TTC8: variants seen among roughly 807,000 people sequenced by gnomAD.
TTC8 encodes the protein tetratricopeptide repeat domain 8, also known as tetratricopeptide repeat protein 8.
Under a neutral mutation model 72.5 loss-of-function variants are expected in TTC8, and 47 were observed. The observed-to-expected ratio is 0.65, with a 90% CI of 0.51 to 0.83. TTC8 has a LOEUF of 0.83. Among genes scored for constraint, TTC8 ranks in the 40% least tolerant of loss-of-function variants. TTC8 has a pLI of 0.00. For synonymous variants in TTC8, 199 were observed against 221.4 expected (o/e 0.90, Z 0.90); for missense variants, 611 against 623.2 (o/e 0.98, Z 0.21).
chr14:88,834,887 G>C (rs1004053174), intron 2 of TTC8, among the ~76,000 whole-genome samples: 3 of 152,124 alleles, frequency 2.0e-5, no homozygotes, highest in Non-Finnish European at 4.4e-5. Flanking sequence ...AAGGACTCAT[G>C]AAAAATCTGT....
chr14:88,846,697 A>T, intron 7 of TTC8: 1 of 1,226,458 alleles, frequency 8.2e-7, no homozygotes, highest in Non-Finnish European at 1.1e-6. Flanking sequence ...TCCCTGCACT[A>T]CTGCACTTAA....
intron 2 of TTC8, among the ~76,000 whole-genome samples, chr14:88,835,269 C>T (rs2094745404): frequency 6.6e-6 from 1 of 152,322 alleles, no homozygotes; most frequent in Admixed American, 6.5e-5. Context: ...ATAATTTAAA[C>T]ATGCTTTGCT....
intron 10 of TTC8, 139 bp from the exon 11 acceptor site, chr14:88,869,920 C>A: frequency 1.2e-6 from 1 of 826,140 alleles, no homozygotes; most frequent in South Asian, 1.6e-5. Flanking sequence ...ATTGTATCCC[C>A]AGGGTCTAGA....
chr14:88,862,852 A>G (rs1023959249), intron 10 of TTC8, among the ~76,000 whole-genome samples: 2 of 151,432 alleles, frequency 1.3e-5, no homozygotes, highest in African/African-American at 2.4e-5. Context: ...GTCAAATTCT[A>G]TGAAAAGTCC....
intron 8 of TTC8, 21 bp from the exon 9 acceptor site, chr14:88,857,169 T>A (rs771668300): frequency 6.8e-6 from 11 of 1,608,776 alleles, no homozygotes; most frequent in African/African-American, 1.3e-5. Context: ...AATGTCTAAT[T>A]CTTAAAATTG....
At chr14:88,861,080 A>G in intron 9 of TTC8, 142 bp from the exon 10 acceptor site, 1 of 633,060 alleles carries the variant, frequency 1.6e-6, no homozygotes. Context: ...CTGGGAATAC[A>G]GGTGTGAGCC....
chr14:88,872,817 C>T (rs954623246), intron 13 of TTC8, among the ~76,000 whole-genome samples: 2 of 152,134 alleles, frequency 1.3e-5, no homozygotes, highest in Admixed American at 1.3e-4. Flanking sequence ...CACACCTGCG[C>T]CCACATCATA....
At chr14:88,850,332 GAAC>G (rs1360612165) in intron 7 of TTC8, among the ~76,000 whole-genome samples, 1 of 152,150 alleles carries the variant, frequency 6.6e-6, no homozygotes, top group Non-Finnish European at 1.5e-5. Context: ...CAATATTCCA[GAAC>G]AACAGCACAG....
chr14:88,869,529 G>T (rs2094924751), intron 10 of TTC8, among the ~76,000 whole-genome samples: 2 of 151,824 alleles, frequency 1.3e-5, no homozygotes, highest in Admixed American at 1.3e-4. Context: ...TCTCACCGTG[G>T]CTTACAAAGG....
intron 10 of TTC8, among the ~76,000 whole-genome samples, chr14:88,869,582 C>G (rs1194127650): frequency 6.6e-6 from 1 of 152,142 alleles, no homozygotes; most frequent in Non-Finnish European, 1.5e-5. Context: ...TTTCCCTCTT[C>G]CCAGCCTCAT....
At chr14:88,831,100 G>A in intron 1 of TTC8, 1 of 292,656 alleles carries the variant, frequency 3.4e-6, no homozygotes. Context: ...ATCTAGTCTA[G>A]ACAGGTTAAA....
intron 9 of TTC8, among the ~76,000 whole-genome samples, chr14:88,860,639 A>T (rs1465152656): frequency 2.6e-5 from 4 of 152,158 alleles, no homozygotes; most frequent in Non-Finnish European, 5.9e-5. Flanking sequence ...TTTTCCCTTG[A>T]TTCTTTCTTG....
chr14:88,837,019 C>A, intron 2 of TTC8: 1 of 268,518 alleles, frequency 3.7e-6, no homozygotes, highest in Non-Finnish European at 7.6e-6. Context: ...CGAGATCACG[C>A]CATTGTACTC....
chr14:88,877,557 C>A lies in TTC8; in HGVS notation c.*147C>A. On this transcript the variant is annotated 3_prime_UTR_variant, in exon 15 of 15. Transcript: ENST00000380656. ...TAGTTAAGGTGACACATAAGGGTGA[C>A]ACAGAATGTGTAATGCAAATTTCAT... 1.5e-6 allele frequency: 1 copy of A among 667,238 alleles called. No homozygotes were observed. The highest frequency in any genetic ancestry group is 1.8e-5 in the South Asian group (1 of 56,294). The allele number at this position is 667,238 out of a possible 1,614,324, so 41.3% of individuals were successfully genotyped here.
At chr14:88,824,636 C>G, upstream of TTC8, 2 of 1,319,088 alleles carry the variant, frequency 1.5e-6, no homozygotes, top group South Asian at 2.5e-5. Flanking sequence ...CAGAGTCGGA[C>G]GCCGCCAGCT....
chr14:88,834,335 C>T (rs1160667645), intron 2 of TTC8, among the ~76,000 whole-genome samples: 1 of 152,082 alleles, frequency 6.6e-6, no homozygotes, highest in African/African-American at 2.4e-5. Context: ...GACACCTGGC[C>T]AGTGATACTT....
intron 14 of TTC8, among the ~76,000 whole-genome samples, chr14:88,877,031 T>C (rs959593657): frequency 6.6e-6 from 1 of 152,170 alleles, no homozygotes; most frequent in African/African-American, 2.4e-5. Context: ...AAATTATTTA[T>C]ATAATTGGTT....
intron 2 of TTC8, among the ~76,000 whole-genome samples, chr14:88,836,558 G>A (rs1410577169): frequency 6.6e-6 from 1 of 151,566 alleles, no homozygotes. Context: ...TTGCAGGGAA[G>A]GAAGAGTGGA....
At chr14:88,861,086 G>A (rs963832470) in intron 9 of TTC8, 136 bp from the exon 10 acceptor site, 3 of 678,292 alleles carry the variant, frequency 4.4e-6, no homozygotes, top group South Asian at 1.9e-5. Flanking sequence ...ATACAGGTGT[G>A]AGCCACCACA....
Sources: allele counts gnomAD v4.1 joint callset (sites outside exome capture counted in the v4.1 genomes callset), GRCh38; gene constraint gnomAD v4.1.1; transcripts MANE v1.5; gene names NCBI Gene and HGNC (gene_info 2026-07-23, HGNC 2026-07-21).